STRN3: variants seen among roughly 807,000 people sequenced by gnomAD.
STRN3 encodes striatin 3.
Under a neutral mutation model 95.6 loss-of-function variants are expected in STRN3, and 29 were observed. That is an observed-to-expected ratio of 0.30 (90% CI 0.23 to 0.41). The LOEUF (loss-of-function observed/expected upper bound fraction) is 0.41. Among genes scored for constraint, STRN3 ranks in the 10% least tolerant of loss-of-function variants. The probability of loss-of-function intolerance (pLI) is 1.00; values close to 1 mark genes in which losing one functional copy is unlikely to be tolerated. For missense variants in STRN3, 890 were observed against 972.1 expected, an observed-to-expected ratio of 0.92 and a Z score of 1.12; for synonymous variants, 331 against 357.6, an observed-to-expected ratio of 0.93 and a Z score of 0.84.
intron 8 of STRN3, among the ~76,000 whole-genome samples, chr14:30,924,212 C>CA (rs200674481): frequency 0.17 from 19,014 of 110,480 alleles, 1,596 homozygotes; most frequent in South Asian, 0.33. Context: ...CTGAACTACT[C>CA]AAAAAAAAAA....
intron 3 of STRN3, among the ~76,000 whole-genome samples, chr14:30,951,376 G>A (rs1210283774): frequency 6.6e-6 from 1 of 151,934 alleles, no homozygotes; most frequent in Non-Finnish European, 1.5e-5. Context: ...TGGGACCACA[G>A]GCATGTACCA....
At position 30,913,598 on chromosome 14, in the gene STRN3, C is replaced by T; in HGVS notation, c.1300G>A (p.Val434Ile). 6.2e-7 allele frequency: 1 copy of T among 1,613,950 alleles called. No homozygotes were observed. The highest frequency in any genetic ancestry group is 8.5e-7 in the Non-Finnish European group (1 of 1,179,920). Residue 434 changes from valine (V) to isoleucine (I), a missense_variant, in exon 10 of 18, where the codon GTT (valine) becomes ATT (isoleucine). Physicochemically the swap from Val to Ile is conservative, Grantham distance 29. This residue lies in a region of STRN3 where 7 missense variants were observed against 23.0 expected (regional missense o/e 0.30). Transcript: ENST00000357479. ...CCAAGGCCCAGTACACTTAACAAAA[C>T]ATCATCAGAACCCATAATAAATGAC... ...GKSFIMGSDDVLLSVLGLGDL... is the reference protein window; with the variant it reads ...GKSFIMGSDDILLSVLGLGDL...
rs80076118 is a variant in STRN3, at chr14:31,021,251, G to C, written c.282+4653C>G. On this transcript the variant is annotated intron_variant, in intron 1 of 17. Transcript: ENST00000357479. ...AAGTTAGAAATACAAGGGACATCTG[G>C]ACGCCAAAAATCTAGTAGTGGTTAA... 3.5e-4 allele frequency among the ~76,000 whole-genome samples: 54 copies of C among 152,270 alleles called. No individual in the cohort carries two copies. In the East Asian group the frequency reaches 6.7e-3, roughly 19 times the overall value.
At chr14:30,947,332 T>G in intron 4 of STRN3, 69 bp from the exon 5 acceptor site, 2 of 1,308,812 alleles carry the variant, frequency 1.5e-6, no homozygotes, top group Non-Finnish European at 2.1e-6. Flanking sequence ...TCACATCAAA[T>G]TTTAGAAAAA....
intron 7 of STRN3, among the ~76,000 whole-genome samples, 181 bp from the exon 8 acceptor site, chr14:30,929,492 A>C (rs956730642): frequency 6.6e-6 from 1 of 152,192 alleles, no homozygotes; most frequent in African/African-American, 2.4e-5. Context: ...TGCCCATGTC[A>C]TAAGTTTCTA....
intron 15 of STRN3, among the ~76,000 whole-genome samples, chr14:30,903,051 A>G (rs1323217666): frequency 6.6e-6 from 1 of 152,162 alleles, no homozygotes; most frequent in Admixed American, 6.5e-5. Flanking sequence ...CACTGACAAA[A>G]ACAAAAAAAC....
intron 1 of STRN3, among the ~76,000 whole-genome samples, chr14:30,963,648 G>C (rs1880324224): frequency 6.6e-6 from 1 of 152,114 alleles, no homozygotes; most frequent in African/African-American, 2.4e-5. Flanking sequence ...GACCTCAAGT[G>C]ATCTGCCCAC....
intron 1 of STRN3, among the ~76,000 whole-genome samples, chr14:30,974,933 T>C (rs1173444460): frequency 4.0e-5 from 6 of 151,564 alleles, no homozygotes; most frequent in Non-Finnish European, 8.8e-5. Flanking sequence ...AACCTTCAAA[T>C]TGTAAAAAAC....
At chr14:30,903,047 CAAAAACAA>C (rs1896367468) in intron 15 of STRN3, among the ~76,000 whole-genome samples, 1 of 151,544 alleles carries the variant, frequency 6.6e-6, no homozygotes, top group African/African-American at 2.4e-5. Flanking sequence ...CCTACACTGA[CAAAAACAA>C]AAAAACAAAG....
chr14:30,944,862 C>T (rs1195654245), intron 5 of STRN3, among the ~76,000 whole-genome samples: 1 of 151,978 alleles, frequency 6.6e-6, no homozygotes, highest in Non-Finnish European at 1.5e-5. Flanking sequence ...ATTCACTCGC[C>T]TCAGCTTTCC....
At position 30,902,621 on chromosome 14, in the gene STRN3, G is replaced by T; in HGVS notation, c.2052C>A (p.Ile684=). The part of the protein sequence containing the change: ...VDSGLQSNNH[I]NRVVSHPTLP... ...GTGTGGGATGACTTACTACTCTGTT[G>T]ATATGATTATTAGATTGTAAACCTG... The change falls in exon 16 of 18, where the codon ATC becomes ATA. Residue 684 remains isoleucine (I), a synonymous_variant. Coordinates refer to ENST00000357479, the MANE Select transcript of STRN3 (RefSeq NM_001083893.2). The T allele has an allele frequency of 6.2e-7, 1 of 1,600,082 alleles. No homozygotes were observed. The highest frequency in any genetic ancestry group is 8.5e-7 in the Non-Finnish European group (1 of 1,173,558).
chr14:31,023,077 T>C (rs1034234988), intron 1 of STRN3, among the ~76,000 whole-genome samples: 5 of 152,212 alleles, frequency 3.3e-5, no homozygotes, highest in Non-Finnish European at 7.4e-5. Flanking sequence ...TTTTAATGAA[T>C]CTACTATGAA....
intron 5 of STRN3, among the ~76,000 whole-genome samples, chr14:30,941,198 C>T (rs180828287): frequency 5.1e-4 from 78 of 152,238 alleles, no homozygotes; most frequent in Admixed American, 6.5e-4. Flanking sequence ...ACTCAGTCTA[C>T]GGTATTTTGT....
intron 1 of STRN3, among the ~76,000 whole-genome samples, chr14:30,998,651 C>A (rs144554353): frequency 2.4e-4 from 36 of 152,360 alleles, no homozygotes; most frequent in Admixed American, 6.5e-4. Context: ...AATCTCTGCT[C>A]ATTCAATAGC....
At chr14:30,992,419 A>C (rs1468634663) in intron 1 of STRN3, among the ~76,000 whole-genome samples, 2 of 151,654 alleles carry the variant, frequency 1.3e-5, no homozygotes, top group Non-Finnish European at 2.9e-5. Flanking sequence ...AAAAAAAAGA[A>C]AAGGAAAGAA....
At chr14:30,944,680 A>G (rs1008009353) in intron 5 of STRN3, among the ~76,000 whole-genome samples, 6 of 145,822 alleles carry the variant, frequency 4.1e-5, no homozygotes, top group African/African-American at 1.5e-4. Flanking sequence ...ATGCAATGGC[A>G]TGATCTCAGC....
intron 1 of STRN3, among the ~76,000 whole-genome samples, chr14:30,973,339 G>T (rs1237707284): frequency 1.3e-5 from 2 of 151,262 alleles, no homozygotes; most frequent in Admixed American, 6.6e-5. Context: ...TAGGTGGGGG[G>T]GAGGGGGAGA....
chr14:30,927,704 T>A (rs1024026128), intron 8 of STRN3, among the ~76,000 whole-genome samples: 8 of 151,720 alleles, frequency 5.3e-5, no homozygotes, highest in Admixed American at 5.2e-4. Flanking sequence ...GGCAGGCAGA[T>A]TACGACAATG....
intron 1 of STRN3, among the ~76,000 whole-genome samples, chr14:31,000,084 A>T (rs1323978051): frequency 6.6e-6 from 1 of 152,186 alleles, no homozygotes; most frequent in African/African-American, 2.4e-5. Flanking sequence ...ATTAAAACAG[A>T]AAAGAACTTC....
Sources: allele counts gnomAD v4.1 joint callset (sites outside exome capture counted in the v4.1 genomes callset), GRCh38; gene constraint gnomAD v4.1.1; regional missense constraint gnomAD v4.1.1; transcripts MANE v1.5; gene names NCBI Gene and HGNC (gene_info 2026-07-23, HGNC 2026-07-21).